The following EPC2 variants were observed in gnomAD, a reference collection of about 807,000 sequenced individuals.
The protein encoded by EPC2 is enhancer of polycomb homolog 2.
EPC2 carries 14 observed loss-of-function variants against 92.1 expected under a neutral mutation model. That is an observed-to-expected ratio of 0.15 (90% CI 0.10 to 0.24). The LOEUF (loss-of-function observed/expected upper bound fraction) is 0.24, where lower values mean the gene tolerates loss of function less well. Ranked by LOEUF, EPC2 falls within the 10% of genes least tolerant of loss-of-function variation. The pLI is 1.00. For missense variants in EPC2, 755 were observed against 971.5 expected, an observed-to-expected ratio of 0.78 and a Z score of 2.96; for synonymous variants, 340 against 334.7, an observed-to-expected ratio of 1.02 and a Z score of -0.17.
chr2:148,680,744 G>A (rs1036521243), intron 1 of EPC2, among the ~76,000 whole-genome samples: 5 of 152,156 alleles, frequency 3.3e-5, no homozygotes, highest in African/African-American at 7.2e-5. Context: ...AAAATGGAAA[G>A]GTCAAGAAGC....
At chr2:148,709,576 C>G (rs1010361557) in intron 2 of EPC2, among the ~76,000 whole-genome samples, 1 of 152,172 alleles carries the variant, frequency 6.6e-6, no homozygotes, top group African/African-American at 2.4e-5. Context: ...GGAGGCATCA[C>G]ACTACCTGAC....
Position 148,784,845 on chromosome 2 carries a change from A to C in EPC2, c.2195A>C (p.His732Pro). The C allele has an allele frequency of 6.2e-7, 1 of 1,613,848 alleles. No individual in the cohort carries two copies. The highest frequency in any genetic ancestry group is 8.5e-7 in the Non-Finnish European group (1 of 1,179,822). ...AATTCCTGCCTGACAAATGCAGTGC[A>C]CCTCAATAATGTCAGTGTTGTTTCT... ...MNNSCLTNAV[H>P]LNNVSVVSPV... Residue 732 changes from histidine to proline, a missense_variant, in exon 13 of 14, where the codon CAC (histidine) becomes CCC (proline). Physicochemically the swap from His to Pro is moderately conservative, Grantham distance 77. Around this residue, in one of 4 missense-constraint regions of EPC2, gnomAD observed 207 missense variants for 260.5 expected, o/e 0.79. Coordinates refer to ENST00000258484, the MANE Select transcript of EPC2 (RefSeq NM_015630.4).
At chr2:148,648,905 T>C (rs1484261474) in intron 1 of EPC2, among the ~76,000 whole-genome samples, 2 of 152,226 alleles carry the variant, frequency 1.3e-5, no homozygotes, top group Non-Finnish European at 2.9e-5. Context: ...TCCCTATCCT[T>C]ATTATCATTG....
chr2:148,767,765 T>A (rs1234177219), intron 7 of EPC2, among the ~76,000 whole-genome samples: 1 of 152,218 alleles, frequency 6.6e-6, no homozygotes. Flanking sequence ...TGTCTTCCTA[T>A]GCCTCAGACT....
chr2:148,708,429 G>A (rs948622505), intron 2 of EPC2, among the ~76,000 whole-genome samples: 5 of 152,174 alleles, frequency 3.3e-5, no homozygotes, highest in Admixed American at 1.3e-4. Flanking sequence ...AGAGGAGCTG[G>A]TACCATTCCT....
At chr2:148,738,885 C>A (rs1306959167) in intron 2 of EPC2, among the ~76,000 whole-genome samples, 1 of 152,028 alleles carries the variant, frequency 6.6e-6, no homozygotes, top group African/African-American at 2.4e-5. Context: ...ATTATTTAAC[C>A]CCTGAATTAG....
chr2:148,686,097 A>G (rs1681516923), intron 1 of EPC2, among the ~76,000 whole-genome samples: 1 of 152,242 alleles, frequency 6.6e-6, no homozygotes. Flanking sequence ...ATGCTGTTTG[A>G]TAACATTTTA....
intron 12 of EPC2, 103 bp from the exon 13 acceptor site, chr2:148,784,565 C>T: frequency 1.1e-6 from 1 of 881,762 alleles, no homozygotes; most frequent in Non-Finnish European, 1.7e-6. Flanking sequence ...GTTAACTTGG[C>T]ATTCAATTCA....
intron 1 of EPC2, among the ~76,000 whole-genome samples, chr2:148,687,794 GTTTGTT>G (rs1681558738): frequency 6.6e-6 from 1 of 152,018 alleles, no homozygotes; most frequent in Non-Finnish European, 1.5e-5. Context: ...TTTCTTTCCC[GTTTGTT>G]TTTATGTCTC....
intron 1 of EPC2, among the ~76,000 whole-genome samples, chr2:148,649,806 AT>A (rs1257792728): frequency 6.6e-6 from 1 of 152,236 alleles, no homozygotes; most frequent in African/African-American, 2.4e-5. Flanking sequence ...GATTAAGTTC[AT>A]TATAGCTTTT....
intron 6 of EPC2, among the ~76,000 whole-genome samples, chr2:148,763,480 G>C (rs555153132): frequency 6.6e-6 from 1 of 152,286 alleles, no homozygotes; most frequent in South Asian, 2.1e-4. Context: ...ATAGGAAACA[G>C]ATATTGACTG....
intron 1 of EPC2, chr2:148,645,457 G>C: frequency 5.3e-6 from 2 of 380,394 alleles, no homozygotes; most frequent in Non-Finnish European, 9.6e-6. Flanking sequence ...CGCAGGGGAT[G>C]CGCTGGCCGC....
chr2:148,760,102 G>A (rs1410239671), intron 4 of EPC2, among the ~76,000 whole-genome samples: 2 of 152,114 alleles, frequency 1.3e-5, no homozygotes, highest in East Asian at 1.9e-4. Context: ...AAATAGCTGG[G>A]TGTGATGGTG....
chr2:148,713,255 A>G (rs1186515685), intron 2 of EPC2, among the ~76,000 whole-genome samples: 2 of 152,180 alleles, frequency 1.3e-5, no homozygotes, highest in East Asian at 3.8e-4. Context: ...TTCCAGTGGG[A>G]CAAGATGTAG....
intron 1 of EPC2, among the ~76,000 whole-genome samples, chr2:148,681,009 A>T (rs565349825): frequency 3.9e-4 from 59 of 152,304 alleles, no homozygotes; most frequent in African/African-American, 1.4e-3. Flanking sequence ...AAGCTCAAAA[A>T]ATGAGACTTT....
At chr2:148,685,379 T>C (rs183966918) in intron 1 of EPC2, among the ~76,000 whole-genome samples, 114 of 152,324 alleles carry the variant, frequency 7.5e-4, no homozygotes, top group Non-Finnish European at 1.5e-3. Context: ...TATACAGATA[T>C]TGTAGGTTTG....
chr2:148,769,102 G>A (rs1180708689), intron 7 of EPC2, 49 bp from the exon 8 acceptor site: 1 of 1,189,950 alleles, frequency 8.4e-7, no homozygotes, highest in South Asian at 1.3e-5. Context: ...TACAAACATT[G>A]ATCTATTGAC....
In EPC2 at chr2:148,784,739, G is replaced by T. The variant is rs762186350; in HGVS notation, c.2089G>T (p.Val697Leu). Residue 697 changes from valine (V) to leucine (L), a missense_variant, in exon 13 of 14, where the codon GTA becomes TTA. Transcript: ENST00000258484. The part of the protein sequence containing the change: ...SSPGISAVQL[V>L]RTVGHTTTNH... ...CCCAGGGATTTCAGCTGTACAGCTT[G>T]TAAGGACAGTTGGCCACACCACTAC... 5 of 1,613,984 alleles carry T rather than the reference G, an allele frequency of 3.1e-6. No individual in the cohort carries two copies. Among genetic ancestry groups the T allele is most frequent in the Non-Finnish European group, 4.2e-6 (5 of 1,179,872 alleles).
chr2:148,776,856 CTTTTTTTT>C (rs56073706), intron 10 of EPC2, among the ~76,000 whole-genome samples: 1 of 101,042 alleles, frequency 9.9e-6, no homozygotes, highest in Non-Finnish European at 1.9e-5. Flanking sequence ...GTCTCTCTCT[CTTTTTTTT>C]TTTTTTTTTT....
Sources: gnomAD v4.1 joint callset for allele counts (sites outside exome capture counted in the v4.1 genomes callset) on GRCh38, gnomAD v4.1.1 for gene constraint, gnomAD v4.1.1 regional missense constraint, MANE v1.5 for transcripts, NCBI Gene and HGNC (gene_info 2026-07-23, HGNC 2026-07-21) for gene names.